Variants in ADGRF3 observed in about 807,000 individuals in gnomAD.
The protein encoded by ADGRF3 is G protein-coupled receptor 113.
Under a neutral mutation model 93.2 loss-of-function variants are expected in ADGRF3, and 85 were observed. That is an observed-to-expected ratio of 0.91 (90% CI 0.77 to 1.09). ADGRF3 has a LOEUF of 1.09. Among genes scored for constraint, ADGRF3 ranks in the 50% least tolerant of loss-of-function variants. ADGRF3 has a pLI of 0.00. For synonymous variants in ADGRF3, 534 were observed against 532.5 expected (o/e 1.00, Z -0.04); for missense variants, 1,125 against 1,246.2 (o/e 0.90, Z 1.46).
At chr2:26,329,866 C>A (rs549772232) in intron 1 of ADGRF3, among the ~76,000 whole-genome samples, 2 of 152,242 alleles carry the variant, frequency 1.3e-5, no homozygotes, top group Admixed American at 1.3e-4. Context: ...GTAATAGGTA[C>A]TTTAATGTCT....
chr2:26,341,337 C>T (rs1676387269), intron 1 of ADGRF3, among the ~76,000 whole-genome samples: 1 of 152,092 alleles, frequency 6.6e-6, no homozygotes, highest in Non-Finnish European at 1.5e-5. Flanking sequence ...AAGATCGCGC[C>T]ACTGCACTCC....
At chr2:26,343,647 G>A (rs1676521152) in intron 1 of ADGRF3, among the ~76,000 whole-genome samples, 1 of 152,150 alleles carries the variant, frequency 6.6e-6, no homozygotes, top group Non-Finnish European at 1.5e-5. Context: ...GTTTCACCGT[G>A]TTAGCCAGGA....
intron 5 of ADGRF3, 125 bp from the exon 6 acceptor site, chr2:26,314,748 G>T: frequency 1.2e-6 from 1 of 822,322 alleles, no homozygotes; most frequent in Non-Finnish European, 1.9e-6. Context: ...CTTAACCCCA[G>T]CAAGCAAGGT....
chr2:26,341,416 T>C (rs1676391867), intron 1 of ADGRF3, among the ~76,000 whole-genome samples: 1 of 152,026 alleles, frequency 6.6e-6, no homozygotes, highest in Admixed American at 6.6e-5. Flanking sequence ...TAGTTGAGAA[T>C]AAGTCACAAA....
chr2:26,340,370 T>C (rs1426184694), intron 1 of ADGRF3: 1 of 152,230 alleles, frequency 6.6e-6, no homozygotes, highest in Non-Finnish European at 1.5e-5. Flanking sequence ...TTTACTCTCT[T>C]GTTCCACTTA....
intron 1 of ADGRF3, among the ~76,000 whole-genome samples, chr2:26,335,964 A>G (rs1335088422): frequency 1.3e-5 from 2 of 152,210 alleles, no homozygotes; most frequent in Non-Finnish European, 2.9e-5. Flanking sequence ...ACTTAATTCA[A>G]TGCTTACTGA....
intron 1 of ADGRF3, among the ~76,000 whole-genome samples, chr2:26,345,349 C>G (rs1558406173): frequency 6.6e-6 from 1 of 152,266 alleles, no homozygotes; most frequent in South Asian, 2.1e-4. Flanking sequence ...ACACCTCTTG[C>G]AAACGCATTT....
Position 26,316,288 on chromosome 2 carries a change from C to T in ADGRF3, c.486G>A (p.Gln162=), listed in dbSNP as rs1674642764. Residue 162 remains glutamine, a synonymous_variant, in exon 4 of 14, where the codon CAG becomes CAA. Coordinates refer to ENST00000651242, the MANE Select transcript of ADGRF3 (RefSeq NM_001321971.2). ...AACCTTCCTCACCAGGTGGCAGCAA[C>T]TGGCAGTACCCGGGTTCGGGATGGC... ...VFSHPEPGYC[Q]LLPPVPGILN... is the part of the protein sequence containing the mutation. The T allele has an allele frequency of 1.3e-6, 2 of 1,551,402 alleles. No individual in the cohort carries two copies. Among genetic ancestry groups the T allele is most frequent in the Non-Finnish European group, 1.7e-6 (2 of 1,146,820 alleles).
At chr2:26,340,627 C>A (rs983299584) in intron 1 of ADGRF3, 5 of 152,174 alleles carry the variant, frequency 3.3e-5, no homozygotes, top group Non-Finnish European at 7.3e-5. Flanking sequence ...AGAGGTGATG[C>A]CCCTACGGCT....
rs928620392 is a variant in ADGRF3 at position 26,308,310 on chromosome 2, TC to T, written c.*775del. 3 of 152,150 alleles carry T rather than the reference TC, an allele frequency of 2.0e-5. No homozygotes were observed. Among genetic ancestry groups the T allele is most frequent in the Admixed American group, 2.0e-4 (3 of 15,274 alleles). 9.4% of individuals were successfully genotyped at this position (152,150 alleles called of 1,614,324 possible). On this transcript the variant is annotated 3_prime_UTR_variant, in exon 14 of 14. Coordinates refer to ENST00000651242, the MANE Select transcript of ADGRF3 (RefSeq NM_001321971.2). Reference sequence around the variant, plus strand: ...TATCTAGTTTAAAAATTTCTCAGAATCCTGTCATCTTCCTCTTGTGAATTCC... The same window carrying T: ...TATCTAGTTTAAAAATTTCTCAGAATCTGTCATCTTCCTCTTGTGAATTCC...
At chr2:26,326,066 A>G (rs1422063806) in intron 1 of ADGRF3, among the ~76,000 whole-genome samples, 2 of 152,224 alleles carry the variant, frequency 1.3e-5, no homozygotes, top group Admixed American at 6.5e-5. Flanking sequence ...GAAAGCAGAC[A>G]TGAGTCAGCT....
intron 1 of ADGRF3, among the ~76,000 whole-genome samples, chr2:26,323,355 T>G (rs1156669865): frequency 6.6e-6 from 1 of 152,130 alleles, no homozygotes; most frequent in African/African-American, 2.4e-5. Flanking sequence ...TACATAATGA[T>G]TTTTGGAAAC....
At chr2:26,345,621 A>AGC (rs1676671953) in intron 1 of ADGRF3, 1 of 153,860 alleles carries the variant, frequency 6.5e-6, no homozygotes, top group Admixed American at 6.5e-5. Flanking sequence ...TACGGCACGC[A>AGC]GCGCACCGCA....
rs1006341664 is a variant in ADGRF3, at chr2:26,346,498, G to A, written c.-264C>T. On this transcript the variant is annotated 5_prime_UTR_variant, in exon 1 of 14. Coordinates refer to ENST00000651242, the MANE Select transcript of ADGRF3 (RefSeq NM_001321971.2). ...CCGCCGCCCGTAGTCGGCACCCCCC[G>A]GGAGATTTCCTTTTCCTTAGGAGAG... The A allele has an allele frequency of 7.6e-6, 4 of 528,520 alleles. No individual in the cohort carries two copies. The African/African-American group carries it at 8.1e-5, about 11-fold the overall frequency. The allele number at this position is 528,520 out of a possible 1,614,324, so 32.7% of individuals were successfully genotyped here.
chr2:26,332,211 G>A (rs1209157220), intron 1 of ADGRF3, among the ~76,000 whole-genome samples: 1 of 152,186 alleles, frequency 6.6e-6, no homozygotes, highest in African/African-American at 2.4e-5. Context: ...CTTGTGAGGG[G>A]ACAGACATTT....
rs1674595319 is a variant in ADGRF3, at chr2:26,315,745, AGGGAG to A, written c.500-10_500-6del. ...TCAGGTTGAGGATCCCGGGGACTGCAGGGAGGCAGGTGACAGGGGACCCTGGAGGA... is the reference window on the plus strand; with the variant it reads ...TCAGGTTGAGGATCCCGGGGACTGCAGCAGGTGACAGGGGACCCTGGAGGA... On this transcript the variant is annotated splice_polypyrimidine_tract_variant and splice_region_variant and intron_variant, in intron 4 of 13. Transcript: ENST00000651242. 4 of 1,550,930 alleles carry A rather than the reference AGGGAG, an allele frequency of 2.6e-6. No homozygotes were observed. The highest frequency in any genetic ancestry group is 2.6e-6 in the Non-Finnish European group (3 of 1,146,966).
Position 26,308,860 on chromosome 2 carries a change from A to G in ADGRF3, c.*226T>C, listed in dbSNP as rs981968563. ...TGGAGCAAAGGCAGGCTTATTCATTAGGTGCCTTTAGCTAATTTTTCCTGC... is the reference window on the plus strand; with the variant it reads ...TGGAGCAAAGGCAGGCTTATTCATTGGGTGCCTTTAGCTAATTTTTCCTGC... On this transcript the variant is annotated 3_prime_UTR_variant, in exon 14 of 14. Coordinates refer to ENST00000651242, the MANE Select transcript of ADGRF3 (RefSeq NM_001321971.2). The G allele has an allele frequency of 1.5e-5, 8 of 524,806 alleles. No homozygotes were observed. Among genetic ancestry groups the G allele is most frequent in the African/African-American group, 1.1e-4 (6 of 52,506 alleles). The allele number at this position is 524,806 out of a possible 1,614,324, so 32.5% of individuals were successfully genotyped here.
Position 26,311,793 on chromosome 2 carries a change from C to G in ADGRF3, c.1731G>C (p.Leu577Phe), listed in dbSNP as rs1014104737. Residue 577 changes from leucine to phenylalanine, a missense_variant, in exon 10 of 14, where the codon TTG (leucine) becomes TTC (phenylalanine). By Grantham distance (22) the Leu-to-Phe change is conservative. Transcript: ENST00000651242. The part of the protein sequence containing the change: ...AQIPRHSLAP[L>F]VRNGTEISIT... ...TACTTATTTCAGTTCCATTACGGAC[C>G]AATGGGGCCAGTGAGTGCCTGGGAA... 6.2e-7 allele frequency: 1 copy of G among 1,613,726 alleles called. No homozygotes were observed. The highest frequency in any genetic ancestry group is 1.3e-5 in the African/African-American group (1 of 74,922).
intron 9 of ADGRF3, 23 bp downstream of exon 9, chr2:26,312,920 C>G: frequency 6.3e-7 from 1 of 1,587,194 alleles, no homozygotes; most frequent in African/African-American, 1.3e-5. Context: ...CAGCTGGCCC[C>G]CACTGTGGCT....
Sources: allele counts gnomAD v4.1 joint callset (sites outside exome capture counted in the v4.1 genomes callset), GRCh38; gene constraint gnomAD v4.1.1; transcripts MANE v1.5; gene names NCBI Gene and HGNC (gene_info 2026-07-23, HGNC 2026-07-21).